The following IFT27 variants were observed in gnomAD, a reference collection of about 807,000 sequenced individuals.
IFT27 encodes intraflagellar transport 27.
In IFT27, 19 loss-of-function variants were observed where a neutral mutation model predicts 23.9. The observed-to-expected ratio is 0.79, with a 90% CI of 0.55 to 1.16. The LOEUF (loss-of-function observed/expected upper bound fraction) is 1.16, where lower values mean the gene tolerates loss of function less well. Ranked by LOEUF, IFT27 falls within the 50% of genes most tolerant of loss-of-function variation. IFT27 has a pLI of 0.00. For synonymous variants in IFT27, 91 were observed against 89.1 expected (o/e 1.02, Z -0.12); for missense variants, 206 against 228.7 (o/e 0.90, Z 0.64).
In IFT27 at chr22:36,775,688, T is replaced by C. The variant is rs772166556; in HGVS notation, c.20A>G (p.Lys7Arg). The change falls in exon 1 of 7, where the codon AAA becomes AGA. Residue 7 changes from lysine (K) to arginine (R), a missense_variant. Physicochemically the swap from Lys to Arg is conservative, Grantham distance 26 (BLOSUM62 2). Coordinates refer to ENST00000433985, the MANE Select transcript of IFT27 (RefSeq NM_001177701.3). MVKLAA[K>R]CILAGDPAVG... ...TTCAGACTCACCTGCCAGGATGCAT[T>C]TGGCTGCCAGCTTCACCATGGTAAC... is the stretch of plus-strand genomic sequence containing the variant. The C allele has an allele frequency of 2.5e-6, 4 of 1,614,114 alleles. No homozygotes were observed. The South Asian group carries it at 3.3e-5, about 13-fold the overall frequency.
chr22:36,773,053 G>C (rs944119275), intron 1 of IFT27, among the ~76,000 whole-genome samples: 6 of 152,210 alleles, frequency 3.9e-5, no homozygotes, highest in Admixed American at 2.6e-4. Flanking sequence ...AGGGAGTTGG[G>C]GGTAAAGAAG....
At chr22:36,769,742 C>T (rs1005227119) in intron 1 of IFT27, among the ~76,000 whole-genome samples, 55 of 152,308 alleles carry the variant, frequency 3.6e-4, no homozygotes, top group South Asian at 2.5e-3. Flanking sequence ...CCACCCATCT[C>T]GGAGCAAACA....
At chr22:36,771,047 G>GGT (rs138610291) in intron 1 of IFT27, among the ~76,000 whole-genome samples, 9,744 of 150,916 alleles carry the variant, frequency 0.065, 341 homozygotes, top group South Asian at 0.089. Flanking sequence ...CCTGTCTTGG[G>GGT]GTGTGTGTGT....
intron 1 of IFT27, among the ~76,000 whole-genome samples, chr22:36,770,676 G>A (rs1453881705): frequency 6.6e-6 from 1 of 152,092 alleles, no homozygotes; most frequent in Admixed American, 6.5e-5. Flanking sequence ...GGTCACCTCT[G>A]ACTGCTCCTC....
chr22:36,772,526 C>T, intron 1 of IFT27: 5 of 985,412 alleles, frequency 5.1e-6, no homozygotes, highest in Non-Finnish European at 6.0e-6. Flanking sequence ...TCTTTCTTCT[C>T]CAGAACCAGA....
At chr22:36,770,258 G>C (rs2145923192) in intron 1 of IFT27, among the ~76,000 whole-genome samples, 1 of 152,240 alleles carries the variant, frequency 6.6e-6, no homozygotes, top group Admixed American at 6.5e-5. Flanking sequence ...CATCCTCCTT[G>C]ACTTCTCTGA....
chr22:36,763,085 G>T lies in IFT27; in HGVS notation c.353-72C>A, dbSNP rs964823891. 3.9e-5 allele frequency: 45 copies of T among 1,149,804 alleles called. No homozygotes were observed. The Admixed American group carries it at 9.1e-4, about 23-fold the overall frequency. The allele number at this position is 1,149,804 out of a possible 1,614,324, so 71.2% of individuals were successfully genotyped here. A position where few individuals can be genotyped will look rare whatever the true frequency, so the allele number is the denominator to read the frequency against. ...TGGAAGGACAGCGGGCGAGATGAGA[G>T]CACTATTTTTGAGGGGTGTAAAGCA... is the stretch of plus-strand genomic sequence containing the variant. On this transcript the variant is annotated intron_variant, in intron 5 of 6. Coordinates refer to ENST00000433985, the MANE Select transcript of IFT27 (RefSeq NM_001177701.3).
At chr22:36,770,032 G>T (rs575429486) in intron 1 of IFT27, among the ~76,000 whole-genome samples, 1 of 152,326 alleles carries the variant, frequency 6.6e-6, no homozygotes, top group African/African-American at 2.4e-5. Flanking sequence ...AATTCAAATA[G>T]CACAAACTGA....
intron 3 of IFT27, among the ~76,000 whole-genome samples, chr22:36,766,836 C>G (rs947617159): frequency 6.6e-6 from 1 of 152,160 alleles, no homozygotes; most frequent in African/African-American, 2.4e-5. Flanking sequence ...CCTCTGATCC[C>G]TGGCATACAC....
At chr22:36,759,894 A>T (rs1938034516) in intron 6 of IFT27, 1 of 152,258 alleles carries the variant, frequency 6.6e-6, no homozygotes, top group South Asian at 2.1e-4. Context: ...CCTCGAGGCC[A>T]GCTGGGATGT....
chr22:36,763,882 G>C, intron 5 of IFT27, 37 bp downstream of exon 5: 3 of 1,419,682 alleles, frequency 2.1e-6, no homozygotes, highest in Non-Finnish European at 3.0e-6. Context: ...AAAGGACAGA[G>C]ATGCCGCTGG....
chr22:36,773,612 C>T (rs984106872), intron 1 of IFT27, among the ~76,000 whole-genome samples: 58 of 139,670 alleles, frequency 4.2e-4, no homozygotes, highest in Non-Finnish European at 7.7e-4. Flanking sequence ...TGAGATTGTG[C>T]CATTGCACTC....
chr22:36,770,883 G>A (rs1203079397), intron 1 of IFT27, among the ~76,000 whole-genome samples: 1 of 152,160 alleles, frequency 6.6e-6, no homozygotes, highest in African/African-American at 2.4e-5. Flanking sequence ...TTTCTCCCTT[G>A]CTAGGAGCTT....
intron 4 of IFT27, among the ~76,000 whole-genome samples, chr22:36,765,191 C>T (rs962387894): frequency 7.9e-5 from 12 of 152,152 alleles, no homozygotes; most frequent in African/African-American, 2.9e-4. Context: ...GACACTTCAG[C>T]GTGGTTTTAA....
intron 1 of IFT27, chr22:36,772,466 A>G (rs1410376385): frequency 1.0e-6 from 1 of 973,650 alleles, no homozygotes; most frequent in Non-Finnish European, 1.2e-6. Flanking sequence ...GTACTATTTA[A>G]GTGTTTTTTT....
intron 1 of IFT27, among the ~76,000 whole-genome samples, chr22:36,773,526 C>T (rs1168567910): frequency 5.3e-5 from 8 of 151,576 alleles, no homozygotes; most frequent in South Asian, 4.2e-4. Context: ...TGGTGGTGGG[C>T]GCCTGTAATC....
At chr22:36,760,785 C>A (rs1283457922) in intron 6 of IFT27, 1 of 166,612 alleles carries the variant, frequency 6.0e-6, no homozygotes, top group Non-Finnish European at 1.5e-5. Context: ...ATAATGTGTG[C>A]AAAACACCTA....
At chr22:36,758,461 G>A (rs1266208897) in intron 6 of IFT27, 52 bp from the exon 7 acceptor site, 7 of 1,359,060 alleles carry the variant, frequency 5.2e-6, no homozygotes, top group African/African-American at 1.4e-5. Context: ...GGGTCAGAGG[G>A]CCAGCTCTCA....
At chr22:36,772,610 G>A in intron 1 of IFT27, 1 of 985,436 alleles carries the variant, frequency 1.0e-6, no homozygotes, top group Non-Finnish European at 1.2e-6. Context: ...TGTTCGCTGT[G>A]TTAGAACGTA....
Sources: gnomAD v4.1 joint callset for allele counts (sites outside exome capture counted in the v4.1 genomes callset) on GRCh38, gnomAD v4.1.1 for gene constraint, MANE v1.5 for transcripts, NCBI Gene and HGNC (gene_info 2026-07-23, HGNC 2026-07-21) for gene names.